Variants in MARCHF1 observed in about 807,000 individuals in gnomAD.
The protein encoded by MARCHF1 is E3 ubiquitin-protein ligase MARCHF1.
MARCHF1 carries 40 observed loss-of-function variants against 54.2 expected under a neutral mutation model. That is an observed-to-expected ratio of 0.74 (90% CI 0.57 to 0.96). The LOEUF (loss-of-function observed/expected upper bound fraction) is 0.96. MARCHF1 is among the 40% of genes least tolerant of loss of function. The pLI is 0.00. For missense variants in MARCHF1, 586 were observed against 656.5 expected (o/e 0.89, Z 1.17); for synonymous variants, 236 against 236.3 (o/e 1.00, Z 0.01).
intron 2 of MARCHF1, among the ~76,000 whole-genome samples, chr4:163,989,270 A>T (rs1357571681): frequency 1.4e-5 from 2 of 146,088 alleles, no homozygotes; most frequent in African/African-American, 5.1e-5. Context: ...GCATCGCATG[A>T]GATCGAATGA....
intron 4 of MARCHF1, among the ~76,000 whole-genome samples, chr4:163,827,745 T>C (rs1405679700): frequency 1.3e-5 from 2 of 152,142 alleles, no homozygotes; most frequent in African/African-American, 4.8e-5. Flanking sequence ...ATTCTTTGTA[T>C]ACTATGTATA....
chr4:164,132,786 C>T (rs1237917616), intron 1 of MARCHF1, among the ~76,000 whole-genome samples: 1 of 151,842 alleles, frequency 6.6e-6, no homozygotes, highest in Non-Finnish European at 1.5e-5. Flanking sequence ...TTTCTTCTTT[C>T]TCATTTTCAT....
At chr4:164,186,739 G>T (rs2111033253) in intron 1 of MARCHF1, among the ~76,000 whole-genome samples, 1 of 152,280 alleles carries the variant, frequency 6.6e-6, no homozygotes, top group Non-Finnish European at 1.5e-5. Flanking sequence ...GACCTCTGAA[G>T]AGTTCATTCT....
Position 164,049,914 on chromosome 4 carries a change from T to C in MARCHF1, c.-247-61205A>G, listed in dbSNP as rs542100093. On this transcript the variant is annotated intron_variant, in intron 2 of 9. Coordinates refer to ENST00000514618, the MANE Select transcript of MARCHF1 (RefSeq NM_001394959.1). The stretch of plus-strand genomic sequence containing the variant: ...CTCTTTCCTGAACTCTGGATTTACA[T>C]TGTCAAATGTTACTCTGTAGTTTCA... Among the ~76,000 whole-genome samples the C allele has an allele frequency of 5.3e-5, 8 of 152,312 alleles. No individual in the cohort carries two copies. In the East Asian group the frequency reaches 7.7e-4, roughly 15 times the overall value.
chr4:163,648,071 A>C (rs1385934218), intron 5 of MARCHF1, among the ~76,000 whole-genome samples: 1 of 151,896 alleles, frequency 6.6e-6, no homozygotes, highest in African/African-American at 2.4e-5. Context: ...AATTCAGAAA[A>C]GTGTTTGATA....
At chr4:164,309,055 GA>G (rs1040180068) in intron 1 of MARCHF1, among the ~76,000 whole-genome samples, 3 of 152,016 alleles carry the variant, frequency 2.0e-5, no homozygotes, top group Non-Finnish European at 4.4e-5. Flanking sequence ...TAGGTAGGTA[GA>G]GTAGATAGAT....
At chr4:164,204,821 G>C (rs2111099031) in intron 1 of MARCHF1, among the ~76,000 whole-genome samples, 1 of 152,240 alleles carries the variant, frequency 6.6e-6, no homozygotes, top group Admixed American at 6.5e-5. Context: ...TTCATCAGAA[G>C]GTAATTTCTT....
At chr4:163,861,298 T>G (rs1218659391) in intron 3 of MARCHF1, among the ~76,000 whole-genome samples, 2 of 152,032 alleles carry the variant, frequency 1.3e-5, no homozygotes, top group Non-Finnish European at 2.9e-5. Context: ...ACGCAGAACA[T>G]CCAAGAACTG....
At chr4:163,823,350 T>C (rs1321488484) in intron 4 of MARCHF1, among the ~76,000 whole-genome samples, 11 of 151,810 alleles carry the variant, frequency 7.2e-5, no homozygotes, top group African/African-American at 2.7e-4. Context: ...TATGATAGAA[T>C]CATAATTTGT....
In MARCHF1 at chr4:163,738,442, CACTA is replaced by C. The variant is rs1200288316; in HGVS notation, c.112-37583_112-37580del. 2.6e-5 allele frequency among the ~76,000 whole-genome samples: 4 copies of C among 152,136 alleles called. No homozygotes were observed. The South Asian group carries it at 6.2e-4, about 24-fold the overall frequency. On this transcript the variant is annotated intron_variant, in intron 4 of 9. Transcript: ENST00000514618. ...GCTGCATATTTTGTAAGAATATTTT[CACTA>C]ACTATTATTGCCTCTTAGGTGATAT...
intron 9 of MARCHF1, among the ~76,000 whole-genome samples, chr4:163,531,537 A>G (rs1327333323): frequency 2.0e-5 from 3 of 151,902 alleles, no homozygotes; most frequent in Admixed American, 2.0e-4. Flanking sequence ...ATCAGGAACA[A>G]GACAAGGATG....
chr4:164,162,301 T>C (rs902910086), intron 1 of MARCHF1, among the ~76,000 whole-genome samples: 4 of 151,996 alleles, frequency 2.6e-5, no homozygotes, highest in African/African-American at 7.2e-5. Flanking sequence ...AGATATTACA[T>C]AGAATATAAC....
At chr4:163,848,388 A>G (rs1749546337) in intron 4 of MARCHF1, among the ~76,000 whole-genome samples, 1 of 152,154 alleles carries the variant, frequency 6.6e-6, no homozygotes, top group Non-Finnish European at 1.5e-5. Flanking sequence ...TGGAGCCTCA[A>G]AAAATCATAA....
chr4:163,864,954 A>G (rs1044310750), intron 3 of MARCHF1, among the ~76,000 whole-genome samples: 2 of 151,910 alleles, frequency 1.3e-5, no homozygotes, highest in African/African-American at 2.4e-5. Flanking sequence ...AGAAAAACAT[A>G]TATCACTGAT....
At chr4:164,356,310 T>C (rs1198878244) in intron 1 of MARCHF1, among the ~76,000 whole-genome samples, 2 of 132,622 alleles carry the variant, frequency 1.5e-5, no homozygotes, top group Non-Finnish European at 3.4e-5. Flanking sequence ...TAAAGACACA[T>C]GAACAGGTAT....
At chr4:164,010,231 GT>G (rs1196926920) in intron 2 of MARCHF1, among the ~76,000 whole-genome samples, 6 of 147,776 alleles carry the variant, frequency 4.1e-5, no homozygotes, top group East Asian at 2.0e-4. Flanking sequence ...CACGCTCAGC[GT>G]TTTTTTTTGT....
At chr4:164,344,997 T>C (rs566971276) in intron 1 of MARCHF1, among the ~76,000 whole-genome samples, 7 of 152,324 alleles carry the variant, frequency 4.6e-5, no homozygotes, top group African/African-American at 1.7e-4. Context: ...TAAGCCACTA[T>C]GCTTGTCACT....
chr4:163,754,089 T>G (rs1261287656), intron 4 of MARCHF1, among the ~76,000 whole-genome samples: 4 of 152,310 alleles, frequency 2.6e-5, no homozygotes, highest in African/African-American at 9.6e-5. Context: ...AGGTCAACAT[T>G]GTTATCAGGA....
chr4:163,754,094 T>C (rs1240639958), intron 4 of MARCHF1, among the ~76,000 whole-genome samples: 1 of 152,222 alleles, frequency 6.6e-6, no homozygotes, highest in South Asian at 2.1e-4. Flanking sequence ...AACATTGTTA[T>C]CAGGAATAGA....
Sources: allele counts gnomAD v4.1 joint callset (sites outside exome capture counted in the v4.1 genomes callset), GRCh38; gene constraint gnomAD v4.1.1; transcripts MANE v1.5; gene names NCBI Gene and HGNC (gene_info 2026-07-23, HGNC 2026-07-21).